The following ABCC1 variants were observed in gnomAD, a reference collection of about 807,000 sequenced individuals.
ABCC1 encodes the protein multidrug resistance-associated protein 1.
ABCC1 carries 83 observed loss-of-function variants against 172.9 expected under a neutral mutation model. That is an observed-to-expected ratio of 0.48 (90% CI 0.40 to 0.58). The LOEUF (loss-of-function observed/expected upper bound fraction) is 0.58. ABCC1 is among the 20% of genes least tolerant of loss of function. The pLI is 0.00. For synonymous variants in ABCC1, 937 were observed against 825.2 expected (o/e 1.14, Z -2.32); for missense variants, 1,817 against 2,002.7 (o/e 0.91, Z 1.77).
intron 11 of ABCC1, among the ~76,000 whole-genome samples, chr16:16,055,615 G>A (rs2049616560): frequency 6.6e-6 from 1 of 152,046 alleles, no homozygotes; most frequent in Non-Finnish European, 1.5e-5. Flanking sequence ...CCTGTGTTTG[G>A]GTCAGCAGAG....
rs45508496 is a variant in ABCC1 at position 16,104,186 on chromosome 16, G to A, written c.2735+1469G>A. On this transcript the variant is annotated intron_variant, in intron 20 of 30. Transcript: ENST00000399410. Reference sequence around the variant, plus strand: ...AGCAGAAAGATTTATCGCAAAGAGTGAAACAATAAAGCTTCCACAGTTTGG... The same window carrying A: ...AGCAGAAAGATTTATCGCAAAGAGTAAAACAATAAAGCTTCCACAGTTTGG... Among the ~76,000 whole-genome samples, 1,057 of 152,280 alleles carry A rather than the reference G, an allele frequency of 6.9e-3. 9 individuals are homozygous for A. Among genetic ancestry groups the A allele is most frequent in the African/African-American group, 0.023 (969 of 41,548 alleles).
Position 15,949,683 on chromosome 16 carries a change from C to G in ABCC1, c.-69C>G, listed in dbSNP as rs999802363. On this transcript the variant is annotated 5_prime_UTR_variant, in exon 1 of 31. Coordinates refer to ENST00000399410, the MANE Select transcript of ABCC1 (RefSeq NM_004996.4). The stretch of plus-strand genomic sequence containing the variant: ...CGATCACCCGCCGCCCGGTGCCCGC[C>G]GCCGCCCGCGCCAGCAACCGGGCCC... The G allele has an allele frequency of 1.0e-6, 1 of 985,518 alleles. No homozygotes were observed. 61.0% of individuals were successfully genotyped at this position (985,518 alleles called of 1,614,324 possible).
chr16:16,020,267 G>A (rs1312748993), intron 5 of ABCC1, among the ~76,000 whole-genome samples: 3 of 152,164 alleles, frequency 2.0e-5, no homozygotes, highest in Non-Finnish European at 4.4e-5. Context: ...TGTCAAATGT[G>A]GGTGTGCAGG....
intron 19 of ABCC1, among the ~76,000 whole-genome samples, chr16:16,099,674 GA>G (rs2051638102): frequency 6.6e-6 from 1 of 152,202 alleles, no homozygotes; most frequent in African/African-American, 2.4e-5. Flanking sequence ...AATCCTGGGA[GA>G]GGGGCTTTTA....
chr16:16,014,136 T>G (rs1255626415), intron 3 of ABCC1, among the ~76,000 whole-genome samples: 2 of 152,174 alleles, frequency 1.3e-5, no homozygotes, highest in Non-Finnish European at 2.9e-5. Flanking sequence ...CCAAAATATT[T>G]ATTACGTGGT....
At chr16:16,109,060 A>G (rs528597568) in intron 21 of ABCC1, among the ~76,000 whole-genome samples, 3 of 152,206 alleles carry the variant, frequency 2.0e-5, no homozygotes, top group Non-Finnish European at 2.9e-5. Flanking sequence ...CCTCACCCAC[A>G]TTTTTCATTT....
intron 1 of ABCC1, among the ~76,000 whole-genome samples, chr16:15,965,464 TTG>T (rs68000557): frequency 0.018 from 2,705 of 152,084 alleles, 84 homozygotes; most frequent in African/African-American, 0.061. Context: ...GCTAATTTTT[TTG>T]TGTTTTTAGT....
chr16:16,003,711 G>T (rs1307175202), intron 1 of ABCC1, among the ~76,000 whole-genome samples: 8 of 127,128 alleles, frequency 6.3e-5, no homozygotes, highest in African/African-American at 2.2e-4. Flanking sequence ...TAGGTGGGTA[G>T]GGTGGATGGG....
Position 16,098,786 on chromosome 16 carries a change from TCC to T in ABCC1, c.2645-3839_2645-3838del, listed in dbSNP as rs1209766476. On this transcript the variant is annotated intron_variant, in intron 19 of 30. Coordinates refer to ENST00000399410, the MANE Select transcript of ABCC1 (RefSeq NM_004996.4). Reference sequence around the variant, plus strand: ...GCCTCTCCCCCTTTAGAAAAGACACTCCCTTCACTCCTTTATTTAGATAGGGG... The same window carrying T: ...GCCTCTCCCCCTTTAGAAAAGACACTCTTCACTCCTTTATTTAGATAGGGG... The T allele has an allele frequency of 1.2e-5, 14 of 1,213,100 alleles. 1 individual carries two copies. The Admixed American group carries it at 2.7e-4, about 23-fold the overall frequency. The allele number at this position is 1,213,100 out of a possible 1,614,324, so 75.1% of individuals were successfully genotyped here. A position where few individuals can be genotyped will look rare whatever the true frequency, so the allele number is the denominator to read the frequency against.
intron 3 of ABCC1, among the ~76,000 whole-genome samples, chr16:16,013,416 G>C (rs1020909519): frequency 2.0e-5 from 3 of 151,700 alleles, no homozygotes; most frequent in African/African-American, 4.8e-5. Context: ...GACTAAAGGC[G>C]TATGCCACCA....
At position 16,015,342 on chromosome 16, in the gene ABCC1, G is replaced by A. The variant is rs7187052; in HGVS notation, c.489+714G>A. Among the ~76,000 whole-genome samples, 840 of 152,172 alleles carry A rather than the reference G, an allele frequency of 5.5e-3. 9 individuals are homozygous for A. Among genetic ancestry groups the A allele is most frequent in the African/African-American group, 0.019 (800 of 41,518 alleles). On this transcript the variant is annotated intron_variant, in intron 4 of 30. Transcript: ENST00000399410. ...TTTAGTAGAGACGGGGTTTCACCAC[G>A]TTGGCCAGGATGGTGTCGATCACTT...
intron 16 of ABCC1, among the ~76,000 whole-genome samples, chr16:16,080,861 C>T (rs554526338): frequency 4.9e-5 from 6 of 122,196 alleles, no homozygotes; most frequent in African/African-American, 1.3e-4. Flanking sequence ...AAGTTTATGA[C>T]GTTGTTTGTT....
Position 16,048,285 on chromosome 16 carries a change from T to C in ABCC1, c.1362T>C (p.Ala454=). Reference sequence around the variant, plus strand: ...CAGCCCCCCTGCAAGTCATCCTTGCTCTCTACCTCCTGTGGCTGGTGTGTG... The same window carrying C: ...CAGCCCCCCTGCAAGTCATCCTTGCCCTCTACCTCCTGTGGCTGGTGTGTG... The part of the protein sequence containing the change: ...IWSAPLQVIL[A]LYLLWLNLGP... The change falls in exon 10 of 31, where the codon GCT becomes GCC. Residue 454 remains alanine (A), a synonymous_variant. Transcript: ENST00000399410. The C allele has an allele frequency of 6.2e-7, 1 of 1,614,066 alleles. No individual in the cohort carries two copies. The highest frequency in any genetic ancestry group is 1.3e-5 in the African/African-American group (1 of 75,050).
intron 1 of ABCC1, among the ~76,000 whole-genome samples, chr16:15,963,988 G>A (rs968384161): frequency 4.6e-5 from 7 of 151,596 alleles, no homozygotes; most frequent in African/African-American, 1.7e-4. Flanking sequence ...CTGTTGCCCA[G>A]GCTAGAGTGC....
chr16:15,958,490 T>G (rs2046055171), intron 1 of ABCC1, among the ~76,000 whole-genome samples: 1 of 152,336 alleles, frequency 6.6e-6, no homozygotes, highest in Non-Finnish European at 1.5e-5. Flanking sequence ...CCTGTTGGTA[T>G]CTGAGTTGGC....
At chr16:16,020,934 C>T (rs45503611) in intron 5 of ABCC1, among the ~76,000 whole-genome samples, 306 of 152,266 alleles carry the variant, frequency 2.0e-3, no homozygotes, top group Non-Finnish European at 3.3e-3. Context: ...TTCGAACTCA[C>T]GACTGGCTGT....
intron 29 of ABCC1, among the ~76,000 whole-genome samples, chr16:16,138,127 G>A (rs2045987127): frequency 6.6e-6 from 1 of 152,126 alleles, no homozygotes; most frequent in Non-Finnish European, 1.5e-5. Flanking sequence ...AAAGTGCTCA[G>A]ATTGTAGGTG....
In ABCC1 at chr16:16,044,465, T is replaced by C. The variant is rs246221; in HGVS notation, c.825T>C (p.Val275=). Residue 275 remains valine, a synonymous_variant, in exon 8 of 31, where the codon GTT becomes GTC. Transcript: ENST00000399410. ...TGTGTTCCAGGCAGCCGGTGAAGGT[T>C]GTGTACTCCTCCAAGGATCCTGCCC... ...CAKTRKQPVK[V]VYSSKDPAQP... 515,770 of 1,612,872 alleles carry C rather than the reference T, an allele frequency of 0.32. 88,479 individuals carry two copies. Among genetic ancestry groups the C allele is most frequent in the African/African-American group, 0.65 (48,639 of 74,942 alleles).
At chr16:16,139,566 T>G (rs1412957072) in intron 30 of ABCC1, among the ~76,000 whole-genome samples, 1 of 123,998 alleles carries the variant, frequency 8.1e-6, no homozygotes, top group African/African-American at 3.2e-5. Context: ...GAGCTGAGAT[T>G]GTGCCACTGC....
Sources: gnomAD v4.1 joint callset for allele counts (sites outside exome capture counted in the v4.1 genomes callset) on GRCh38, gnomAD v4.1.1 for gene constraint, MANE v1.5 for transcripts, NCBI Gene and HGNC (gene_info 2026-07-23, HGNC 2026-07-21) for gene names.